IGF1R: variants seen among roughly 807,000 people sequenced by gnomAD.
The protein encoded by IGF1R is insulin like growth factor 1 receptor.
In IGF1R, 44 loss-of-function variants were observed where a neutral mutation model predicts 144.6. The observed-to-expected ratio is 0.30, with a 90% CI of 0.24 to 0.39. The LOEUF is 0.39. IGF1R is among the 10% of genes least tolerant of loss of function. IGF1R has a pLI of 1.00. For missense variants in IGF1R, 1,355 were observed against 1,833.7 expected, an observed-to-expected ratio of 0.74 and a Z score of 4.77; for synonymous variants, 795 against 722.8, an observed-to-expected ratio of 1.10 and a Z score of -1.60.
At chr15:98,728,017 T>TG (rs2054405946) in intron 2 of IGF1R, among the ~76,000 whole-genome samples, 4 of 150,500 alleles carry the variant, frequency 2.7e-5, no homozygotes, top group Admixed American at 1.3e-4. Flanking sequence ...GTTTTTTTTT[T>TG]TTTTTTTTTT....
In IGF1R at chr15:98,957,256, C is replaced by T. The variant is rs34364279; in HGVS notation, c.3918C>T (p.Asp1306=). The change falls in exon 21 of 21, where the codon GAC becomes GAT. Residue 1306 remains aspartate (D), a synonymous_variant. Transcript: ENST00000650285. ...AGAACATGGAGAGCGTCCCCCTGGA[C>T]CCCTCGGCCTCCTCGTCCTCCCTGC... The part of the protein sequence containing the change: ...EPENMESVPL[D]PSASSSSLPL... The T allele has an allele frequency of 2.6e-4, 415 of 1,614,142 alleles. 3 individuals carry two copies. In the African/African-American group the frequency reaches 4.5e-3, roughly 17 times the overall value.
At position 98,964,335 on chromosome 15, in the gene IGF1R, T is replaced by G. The variant is rs2017343676; in HGVS notation, c.*6893T>G. ...TAAAAAATCAGTAGATGAAAAAAAT[T>G]TCAAAATGTTTTTGTATATTCTGTT... On this transcript the variant is annotated 3_prime_UTR_variant, in exon 21 of 21. Transcript: ENST00000650285. The G allele has an allele frequency of 1.3e-5, 3 of 231,182 alleles. No homozygotes were observed. The highest frequency in any genetic ancestry group is 5.6e-5 in the Admixed American group (1 of 17,706). The allele number at this position is 231,182 out of a possible 1,614,324, so 14.3% of individuals were successfully genotyped here. A position where few individuals can be genotyped will look rare whatever the true frequency, so the allele number is the denominator to read the frequency against.
intron 2 of IGF1R, among the ~76,000 whole-genome samples, chr15:98,773,692 TCAG>T (rs1192811430): frequency 6.6e-6 from 1 of 152,158 alleles, no homozygotes; most frequent in East Asian, 1.9e-4. Context: ...CACACTGTAA[TCAG>T]CAGGGAGGCA....
intron 1 of IGF1R, chr15:98,650,839 C>T (rs1479430298): frequency 2.2e-6 from 2 of 909,352 alleles, no homozygotes; most frequent in Non-Finnish European, 2.6e-6. Context: ...TCCACATTCG[C>T]TGTCTTTTGC....
chr15:98,834,125 G>C (rs2057051694), intron 2 of IGF1R, among the ~76,000 whole-genome samples: 1 of 152,196 alleles, frequency 6.6e-6, no homozygotes, highest in African/African-American at 2.4e-5. Flanking sequence ...TATTGCTGGA[G>C]CATGTAACAG....
At chr15:98,931,286 A>G (rs747731681) in intron 15 of IGF1R, among the ~76,000 whole-genome samples, 4 of 152,214 alleles carry the variant, frequency 2.6e-5, no homozygotes, top group Admixed American at 1.3e-4. Context: ...TACATTTAGA[A>G]AAAGTGTTTG....
chr15:98,835,634 A>C (rs1279591058), intron 2 of IGF1R, among the ~76,000 whole-genome samples: 2 of 152,198 alleles, frequency 1.3e-5, no homozygotes, highest in Non-Finnish European at 2.9e-5. Flanking sequence ...AGTTGTTGGA[A>C]CCAAGTGACA....
intron 2 of IGF1R, among the ~76,000 whole-genome samples, chr15:98,790,631 C>T (rs550880586): frequency 6.6e-6 from 1 of 152,302 alleles, no homozygotes; most frequent in East Asian, 1.9e-4. Context: ...ACCCTTCTGT[C>T]TCTGTGCCTC....
chr15:98,752,906 T>C (rs1373736268), intron 2 of IGF1R, among the ~76,000 whole-genome samples: 1 of 150,348 alleles, frequency 6.7e-6, no homozygotes, highest in Admixed American at 6.7e-5. Flanking sequence ...AGATAAAGAA[T>C]ATGTTTAGGG....
intron 2 of IGF1R, among the ~76,000 whole-genome samples, chr15:98,742,922 A>G (rs1238470051): frequency 3.9e-5 from 6 of 152,076 alleles, no homozygotes. Flanking sequence ...CTGTAATCCC[A>G]GCTTCTCGGG....
At position 98,957,368 on chromosome 15, in the gene IGF1R, C is replaced by T; in HGVS notation, c.4030C>T (p.Gln1344Ter). The T allele has an allele frequency of 6.2e-7, 1 of 1,612,678 alleles. No individual in the cohort carries two copies. Among genetic ancestry groups the T allele is most frequent in the South Asian group, 1.1e-5 (1 of 91,062 alleles). Residue 1344 changes from glutamine (Q) to a stop codon, truncating the protein, a stop_gained, in exon 21 of 21, where the codon CAG (glutamine) becomes TAG (stop). Coordinates refer to ENST00000650285, the MANE Select transcript of IGF1R (RefSeq NM_000875.5). LOFTEE classifies it high-confidence loss of function. ...CCTCCGCGCCAGCTTCGACGAGAGA[C>T]AGCCTTACGCCCACATGAACGGGGG... ...LVLRASFDER[Q>*]PYAHMNGGRK... is the part of the protein sequence containing the mutation.
intron 2 of IGF1R, among the ~76,000 whole-genome samples, chr15:98,859,258 A>G (rs575050805): frequency 2.0e-5 from 3 of 152,374 alleles, no homozygotes; most frequent in Non-Finnish European, 4.4e-5. Context: ...TTAGTTTTGC[A>G]ACAGCCGATG....
At chr15:98,782,221 A>C (rs1372540133) in intron 2 of IGF1R, among the ~76,000 whole-genome samples, 26 of 152,200 alleles carry the variant, frequency 1.7e-4, no homozygotes, top group Admixed American at 1.7e-3. Flanking sequence ...AAACTCAGTA[A>C]CACATTTGGA....
intron 2 of IGF1R, among the ~76,000 whole-genome samples, chr15:98,769,881 G>C: frequency 6.6e-6 from 1 of 152,070 alleles, no homozygotes; most frequent in East Asian, 1.9e-4. Flanking sequence ...GATTTTTCCA[G>C]GCAAAATTTC....
intron 2 of IGF1R, among the ~76,000 whole-genome samples, chr15:98,789,783 C>G (rs891340909): frequency 6.6e-6 from 1 of 152,084 alleles, no homozygotes; most frequent in Non-Finnish European, 1.5e-5. Context: ...ACCCAGGGCC[C>G]TTTCATGGCC....
chr15:98,699,829 A>G (rs958541267), intron 1 of IGF1R, among the ~76,000 whole-genome samples: 2 of 152,144 alleles, frequency 1.3e-5, no homozygotes, highest in Admixed American at 1.3e-4. Flanking sequence ...CGGCAGTAAA[A>G]CAGTTCACAT....
chr15:98,790,257 A>C (rs1266093534), intron 2 of IGF1R, among the ~76,000 whole-genome samples: 2 of 152,172 alleles, frequency 1.3e-5, no homozygotes, highest in Non-Finnish European at 2.9e-5. Context: ...TGGCCTGGGC[A>C]ACTTGTGTCC....
intron 2 of IGF1R, among the ~76,000 whole-genome samples, chr15:98,795,605 A>G (rs2056223716): frequency 6.6e-6 from 1 of 152,116 alleles, no homozygotes; most frequent in African/African-American, 2.4e-5. Context: ...TTTAGTAGAG[A>G]CAGGGTTTCA....
rs2015091377 is a variant in IGF1R, at chr15:98,913,045, C to G, written c.1591C>G (p.Pro531Ala). ...ISFTVYYKEA[P>A]FKNVTEYDGQ... The stretch of plus-strand genomic sequence containing the variant: ...TCTCTGAACTTAATTGTCTTTCAGA[C>G]CCTTTAAGAATGTCACAGAGTATGA... Residue 531 changes from proline to alanine, a missense_variant and splice_region_variant, in exon 8 of 21, where the codon CCC becomes GCC. Coordinates refer to ENST00000650285, the MANE Select transcript of IGF1R (RefSeq NM_000875.5). 1.2e-6 allele frequency: 2 copies of G among 1,609,330 alleles called. No individual in the cohort carries two copies. Among genetic ancestry groups the G allele is most frequent in the Non-Finnish European group, 1.7e-6 (2 of 1,175,638 alleles).
Sources: gnomAD v4.1 joint callset for allele counts (sites outside exome capture counted in the v4.1 genomes callset) on GRCh38, gnomAD v4.1.1 for gene constraint, MANE v1.5 for transcripts, NCBI Gene and HGNC (gene_info 2026-07-23, HGNC 2026-07-21) for gene names.